Variants in C3orf18 observed in about 807,000 individuals in gnomAD.
C3orf18 encodes the protein uncharacterized protein C3orf18.
Under a neutral mutation model 14.1 loss-of-function variants are expected in C3orf18, and 12 were observed. That is an observed-to-expected ratio of 0.85 (90% CI 0.55 to 1.38). C3orf18 has a LOEUF of 1.38. C3orf18 is among the 40% of genes most tolerant of loss of function. The probability of loss-of-function intolerance (pLI) is 0.00; values close to 1 mark genes in which losing one functional copy is unlikely to be tolerated. For synonymous variants in C3orf18, 82 were observed against 87.9 expected (o/e 0.93, Z 0.38); for missense variants, 196 against 213.9 (o/e 0.92, Z 0.52).
upstream of C3orf18, among the ~76,000 whole-genome samples, chr3:50,573,878 G>C (rs771378144): frequency 5.3e-5 from 8 of 152,244 alleles, no homozygotes; most frequent in Non-Finnish European, 1.2e-4. Context: ...AGTGAATACA[G>C]TAGGAAACTC....
In C3orf18 at chr3:50,559,542, C is replaced by T. The variant is rs950191401; in HGVS notation, c.*115G>A. 1 of 1,441,996 alleles carries T rather than the reference C, an allele frequency of 6.9e-7. No homozygotes were observed. Among genetic ancestry groups the T allele is most frequent in the African/African-American group, 1.4e-5 (1 of 69,810 alleles). 89.3% of individuals were successfully genotyped at this position (1,441,996 alleles called of 1,614,324 possible). ...AGAACAGCTAGGACCTGGCTCAGCCCTCTTGTGTCTTGGCAGGGAAGATCT... is the reference window on the plus strand; with the variant it reads ...AGAACAGCTAGGACCTGGCTCAGCCTTCTTGTGTCTTGGCAGGGAAGATCT... On this transcript the variant is annotated 3_prime_UTR_variant, in exon 6 of 6. Transcript: ENST00000357203.
At chr3:50,561,205 A>C in intron 4 of C3orf18, 141 bp from the exon 5 acceptor site, 2 of 944,466 alleles carry the variant, frequency 2.1e-6, no homozygotes, top group Non-Finnish European at 3.2e-6. Flanking sequence ...AATGGGAAAA[A>C]ATGACAGACA....
At chr3:50,562,973 T>A (rs1303320011) in intron 3 of C3orf18, among the ~76,000 whole-genome samples, 1 of 152,132 alleles carries the variant, frequency 6.6e-6, no homozygotes, top group East Asian at 1.9e-4. Flanking sequence ...ATCCAGGGAC[T>A]TCTGCCATCA....
At chr3:50,571,098 C>G (rs778221005), upstream of C3orf18, 20 of 1,576,136 alleles carry the variant, frequency 1.3e-5, no homozygotes, top group Non-Finnish European at 1.7e-5. Context: ...GAACCTTTCC[C>G]TGAGACATGG....
At position 50,560,855 on chromosome 3, in the gene C3orf18, G is replaced by C. The variant is rs191805363; in HGVS notation, c.408+62C>G. ...CTAGAAAGCTGCATGAGAAAGGAGG[G>C]AGGGTGAGGGTGGAGGACAGAGGAT... On this transcript the variant is annotated intron_variant, in intron 5 of 5. Transcript: ENST00000357203. The C allele has an allele frequency of 2.4e-4, 368 of 1,513,068 alleles. 1 individual carries two copies. The African/African-American group carries it at 4.4e-3, about 18-fold the overall frequency. The allele number at this position is 1,513,068 out of a possible 1,614,324, so 93.7% of individuals were successfully genotyped here.
chr3:50,571,111 C>A, upstream of C3orf18: 1 of 1,589,656 alleles, frequency 6.3e-7, no homozygotes, highest in Non-Finnish European at 8.6e-7. Flanking sequence ...AGACATGGAG[C>A]TTTGGGGCCG....
upstream of C3orf18, among the ~76,000 whole-genome samples, chr3:50,568,369 T>C (rs1187004197): frequency 6.6e-6 from 1 of 152,088 alleles, no homozygotes; most frequent in Admixed American, 6.5e-5. Flanking sequence ...CCGGGTAGCC[T>C]GGTACAAATG....
chr3:50,563,864 T>C (rs1700133747), intron 3 of C3orf18, among the ~76,000 whole-genome samples: 2 of 152,204 alleles, frequency 1.3e-5, no homozygotes, highest in African/African-American at 4.8e-5. Flanking sequence ...AACCTTTCAC[T>C]GAAAGTAACG....
At chr3:50,569,774 C>G (rs983713448), upstream of C3orf18, 6 of 152,282 alleles carry the variant, frequency 3.9e-5, no homozygotes, top group South Asian at 8.3e-4. Flanking sequence ...GGACGGCGCA[C>G]TGGTGCAAGA....
chr3:50,561,817 T>A, intron 3 of C3orf18, 70 bp from the exon 4 acceptor site: 1 of 1,534,114 alleles, frequency 6.5e-7, no homozygotes. Flanking sequence ...CCCTTCTGGA[T>A]GGGGACATGC....
chr3:50,563,061 T>C (rs1700087303), intron 3 of C3orf18, among the ~76,000 whole-genome samples: 1 of 152,168 alleles, frequency 6.6e-6, no homozygotes. Context: ...CACAGCCCTG[T>C]GGTTTACCCC....
chr3:50,563,202 T>A (rs1700093860), intron 3 of C3orf18, among the ~76,000 whole-genome samples: 1 of 151,988 alleles, frequency 6.6e-6, no homozygotes, highest in Non-Finnish European at 1.5e-5. Flanking sequence ...CACTCTCCCC[T>A]CCTGTCCAGG....
chr3:50,568,887 T>G (rs1204864366), upstream of C3orf18, among the ~76,000 whole-genome samples: 1 of 152,154 alleles, frequency 6.6e-6, no homozygotes, highest in Non-Finnish European at 1.5e-5. Context: ...TCCCAACACC[T>G]GGAGGAGTTG....
chr3:50,567,910 C>T (rs1343634549), upstream of C3orf18, among the ~76,000 whole-genome samples: 1 of 152,270 alleles, frequency 6.6e-6, no homozygotes, highest in Non-Finnish European at 1.5e-5. Context: ...CACCCCGTGG[C>T]CTGCGCCGAA....
intron 5 of C3orf18, among the ~76,000 whole-genome samples, chr3:50,560,358 G>A (rs1699888699): frequency 6.6e-6 from 1 of 152,174 alleles, no homozygotes; most frequent in South Asian, 2.1e-4. Flanking sequence ...GGCCACACAG[G>A]TACCTATCCC....
At position 50,561,372 on chromosome 3, in the gene C3orf18, A is replaced by G. The variant is rs371137285; in HGVS notation, c.261-308T>C. Among the ~76,000 whole-genome samples, 7 of 152,218 alleles carry G rather than the reference A, an allele frequency of 4.6e-5. 1 individual carries two copies. The South Asian group carries it at 1.2e-3, about 27-fold the overall frequency. ...GCCTTGCTGTAATCCACAGCGTCTGAGTCTCAGGTGGGACTGGGGAGCCAG... is the reference window on the plus strand; with the variant it reads ...GCCTTGCTGTAATCCACAGCGTCTGGGTCTCAGGTGGGACTGGGGAGCCAG... On this transcript the variant is annotated intron_variant, in intron 4 of 5. Transcript: ENST00000357203.
At chr3:50,573,106 T>G (rs1285276129), upstream of C3orf18, among the ~76,000 whole-genome samples, 1 of 152,206 alleles carries the variant, frequency 6.6e-6, no homozygotes, top group African/African-American at 2.4e-5. Flanking sequence ...ACCCCTCTCC[T>G]CTCCATATCA....
At position 50,566,001 on chromosome 3, in the gene C3orf18, C is replaced by T. The variant is rs1472287632; in HGVS notation, c.-163+5G>A. On this transcript the variant is annotated splice_donor_5th_base_variant and intron_variant, in intron 2 of 5. Coordinates refer to ENST00000357203, the MANE Select transcript of C3orf18 (RefSeq NM_016210.5). ...GGTAAGTTCAGGAGACATTAGGACACATACTTTACGTATCTACGGTGCCCC... is the reference window on the plus strand; with the variant it reads ...GGTAAGTTCAGGAGACATTAGGACATATACTTTACGTATCTACGGTGCCCC... 2.7e-6 allele frequency: 1 copy of T among 374,074 alleles called. No homozygotes were observed. Among genetic ancestry groups the T allele is most frequent in the Non-Finnish European group, 4.9e-6 (1 of 204,422 alleles). The allele number at this position is 374,074 out of a possible 1,614,324, so 23.2% of individuals were successfully genotyped here.
At chr3:50,571,148 C>T (rs764772073), upstream of C3orf18, 3 of 1,612,398 alleles carry the variant, frequency 1.9e-6, no homozygotes, top group African/African-American at 2.7e-5. Context: ...CTGTCTGGCC[C>T]AGGGAGGAGG....
Sources: gnomAD v4.1 joint callset for allele counts (sites outside exome capture counted in the v4.1 genomes callset) on GRCh38, gnomAD v4.1.1 for gene constraint, MANE v1.5 for transcripts, NCBI Gene and HGNC (gene_info 2026-07-23, HGNC 2026-07-21) for gene names.